The following SHISA9 variants were observed in gnomAD, a reference collection of about 807,000 sequenced individuals.
The protein encoded by SHISA9 is protein shisa-9.
SHISA9 carries 13 observed loss-of-function variants against 38.0 expected under a neutral mutation model. The ratio of observed to expected loss-of-function variants is 0.34; its 90% CI spans 0.22 to 0.54. The LOEUF (loss-of-function observed/expected upper bound fraction) is 0.54, where lower values mean the gene tolerates loss of function less well. SHISA9 is among the 20% of genes least tolerant of loss of function. SHISA9 has a pLI of 0.91. For missense variants in SHISA9, 538 were observed against 575.8 expected, an observed-to-expected ratio of 0.93 and a Z score of 0.67; for synonymous variants, 275 against 242.0, an observed-to-expected ratio of 1.14 and a Z score of -1.27.
At chr16:13,329,502 T>G in the SHISA9 span, among the ~76,000 whole-genome samples, 1 of 152,178 alleles carries the variant, frequency 6.6e-6, no homozygotes, top group African/African-American at 2.4e-5. Context: ...AGCCACATCA[T>G]TTTCCTTGTT....
chr16:13,507,949 G>T, the SHISA9 span, among the ~76,000 whole-genome samples: 2 of 152,158 alleles, frequency 1.3e-5, no homozygotes, highest in African/African-American at 4.8e-5. Context: ...CAACTGTAAT[G>T]CATACTTATG....
chr16:13,515,570 C>A, the SHISA9 span, among the ~76,000 whole-genome samples: 1 of 152,090 alleles, frequency 6.6e-6, no homozygotes, highest in African/African-American at 2.4e-5. Flanking sequence ...TGTTTGACAG[C>A]AAAGTCCTTG....
intron 2 of SHISA9, among the ~76,000 whole-genome samples, chr16:12,971,988 C>T (rs1257644117): frequency 2.7e-5 from 4 of 150,050 alleles, no homozygotes; most frequent in African/African-American, 9.8e-5. Context: ...CAATTCTAGA[C>T]ATTGGGGATA....
At chr16:12,935,488 G>A (rs1052553423) in intron 2 of SHISA9, among the ~76,000 whole-genome samples, 13 of 152,154 alleles carry the variant, frequency 8.5e-5, no homozygotes, top group Non-Finnish European at 1.5e-4. Flanking sequence ...CCTATGGAAT[G>A]TCTCCAGCAA....
chr16:13,102,311 G>C (rs1447924182), intron 2 of SHISA9, among the ~76,000 whole-genome samples: 2 of 152,212 alleles, frequency 1.3e-5, no homozygotes, highest in Non-Finnish European at 2.9e-5. Flanking sequence ...TCACAGGATA[G>C]AGCAGCCTTC....
At chr16:13,152,604 G>A (rs1199290048) in intron 2 of SHISA9, among the ~76,000 whole-genome samples, 1 of 152,158 alleles carries the variant, frequency 6.6e-6, no homozygotes, top group Non-Finnish European at 1.5e-5. Context: ...CTCAACTCAA[G>A]ATTCAAATCC....
chr16:13,477,136 G>C, the SHISA9 span, among the ~76,000 whole-genome samples: 1 of 152,266 alleles, frequency 6.6e-6, no homozygotes, highest in East Asian at 1.9e-4. Context: ...AAGGTGTCAG[G>C]AACTGGACTT....
chr16:13,045,761 A>T (rs56057762), intron 2 of SHISA9, among the ~76,000 whole-genome samples: 1 of 23,420 alleles, frequency 4.3e-5, no homozygotes, highest in South Asian at 8.0e-4. Flanking sequence ...CCCTGCCCCC[A>T]CTGTGTCCCC....
intron 2 of SHISA9, among the ~76,000 whole-genome samples, chr16:13,022,363 C>T (rs1029498994): frequency 2.6e-5 from 4 of 151,274 alleles, no homozygotes; most frequent in African/African-American, 9.7e-5. Flanking sequence ...CAGAGTTTCG[C>T]TCTTGTTGCC....
the SHISA9 span, among the ~76,000 whole-genome samples, chr16:13,374,542 C>T: frequency 1.3e-5 from 2 of 152,228 alleles, no homozygotes; most frequent in Non-Finnish European, 2.9e-5. Context: ...ATATGTGCCA[C>T]ATTTTCTTAA....
chr16:13,398,625 C>T, the SHISA9 span, among the ~76,000 whole-genome samples: 3 of 151,882 alleles, frequency 2.0e-5, no homozygotes, highest in Non-Finnish European at 4.4e-5. Flanking sequence ...ATTCTCCTGC[C>T]TTAGCCTCCT....
the SHISA9 span, among the ~76,000 whole-genome samples, chr16:13,272,317 A>G: frequency 1.3e-5 from 2 of 152,192 alleles, no homozygotes; most frequent in African/African-American, 4.8e-5. Context: ...AAGTTGTACA[A>G]TGACCCTACA....
the SHISA9 span, among the ~76,000 whole-genome samples, chr16:13,435,804 G>T: frequency 6.6e-6 from 1 of 152,186 alleles, no homozygotes; most frequent in African/African-American, 2.4e-5. Context: ...AGGGCTTGGG[G>T]GTACTTCTGG....
intron 2 of SHISA9, among the ~76,000 whole-genome samples, chr16:13,039,202 C>T (rs1193062448): frequency 3.9e-5 from 6 of 152,190 alleles, no homozygotes; most frequent in Non-Finnish European, 1.5e-5. Context: ...AGCCACCGCG[C>T]CTGGCCAAGA....
downstream of SHISA9, among the ~76,000 whole-genome samples, chr16:13,244,211 C>CA (rs1015731054): frequency 2.2e-4 from 34 of 151,650 alleles, no homozygotes; most frequent in South Asian, 4.2e-4. Context: ...CATAGAATTA[C>CA]AAAAAAAACC....
the SHISA9 span, among the ~76,000 whole-genome samples, chr16:13,445,254 G>C: frequency 6.6e-6 from 1 of 152,034 alleles, no homozygotes; most frequent in Non-Finnish European, 1.5e-5. Context: ...CACCCACAGA[G>C]TCTTGTGGAT....
the SHISA9 span, among the ~76,000 whole-genome samples, chr16:13,536,127 T>C: frequency 6.6e-6 from 1 of 152,106 alleles, no homozygotes; most frequent in Non-Finnish European, 1.5e-5. Context: ...GCCTCCCAAG[T>C]AGCTGGTACT....
intron 2 of SHISA9, among the ~76,000 whole-genome samples, chr16:13,067,590 G>A (rs2073449800): frequency 6.6e-6 from 1 of 152,224 alleles, no homozygotes; most frequent in South Asian, 2.1e-4. Context: ...AGGCTGCAGT[G>A]AGCTGTGATT....
chr16:12,909,629 C>G, intron 1 of SHISA9: 1 of 983,770 alleles, frequency 1.0e-6, no homozygotes, highest in Non-Finnish European at 1.2e-6. Flanking sequence ...CTCCTCATCA[C>G]CAGGGTCCCA....
Sources: gnomAD v4.1 joint callset for allele counts (sites outside exome capture counted in the v4.1 genomes callset) on GRCh38, gnomAD v4.1.1 for gene constraint, MANE v1.5 for transcripts, NCBI Gene and HGNC (gene_info 2026-07-23, HGNC 2026-07-21) for gene names.